Variants in MYL5 observed in about 807,000 individuals in gnomAD.
MYL5 encodes the protein myosin light chain 5, also known as myosin regulatory light chain 5.
MYL5 carries 28 observed loss-of-function variants against 20.8 expected under a neutral mutation model. The observed-to-expected ratio is 1.35, with a 90% CI of 1.00 to 1.84. The LOEUF (loss-of-function observed/expected upper bound fraction) is 1.84, where lower values mean the gene tolerates loss of function less well. Among genes scored for constraint, MYL5 ranks in the 40% most tolerant of loss-of-function variants. MYL5 has a pLI of 0.00. For synonymous variants in MYL5, 118 were observed against 87.4 expected (o/e 1.35, Z -1.95); for missense variants, 274 against 227.3 (o/e 1.21, Z -1.32).
At position 681,824 on chromosome 4, in the gene MYL5, G is replaced by A. The variant is rs965336447; in HGVS notation, c.421-69G>A. The stretch of plus-strand genomic sequence containing the variant: ...CCGCGGCGCAGAAACCACACCCGGG[G>A]CCGCTGCAGGTGCGCGCTTGTAATT... On this transcript the variant is annotated intron_variant, in intron 6 of 6. Transcript: ENST00000400159. The A allele has an allele frequency of 2.4e-6, 3 of 1,269,748 alleles. No individual in the cohort carries two copies. The African/African-American group carries it at 4.6e-5, about 20-fold the overall frequency. 78.7% of individuals were successfully genotyped at this position (1,269,748 alleles called of 1,614,324 possible).
Position 680,391 on chromosome 4 carries a change from G to A in MYL5, c.293-118G>A. ...GCCTTCAGGCAGAGGCCACCTTGTGGGCAGAGGCTTGGAGTCTCCCCCTGC... is the reference window on the plus strand; with the variant it reads ...GCCTTCAGGCAGAGGCCACCTTGTGAGCAGAGGCTTGGAGTCTCCCCCTGC... On this transcript the variant is annotated intron_variant, in intron 4 of 6. Coordinates refer to ENST00000400159, the Ensembl canonical transcript of MYL5. The A allele has an allele frequency of 1.8e-6, 2 of 1,087,374 alleles. 1 individual carries two copies. The highest frequency in any genetic ancestry group is 2.8e-6 in the Non-Finnish European group (2 of 723,978). 67.4% of individuals were successfully genotyped at this position (1,087,374 alleles called of 1,614,324 possible). A position where few individuals can be genotyped will look rare whatever the true frequency, so the allele number is the denominator to read the frequency against.
chr4:681,337 C>G (rs1413502914), intron 6 of MYL5, among the ~76,000 whole-genome samples, 197 bp downstream of exon 8: 1 of 152,106 alleles, frequency 6.6e-6, no homozygotes, highest in Non-Finnish European at 1.5e-5. Context: ...CGGTTGGAGA[C>G]CCCTCCCCTC....
intron 1 of MYL5, chr4:678,254 T>C (rs2109330759): frequency 6.8e-7 from 1 of 1,473,024 alleles, no homozygotes; most frequent in Non-Finnish European, 9.0e-7. Flanking sequence ...GTGCCTCACG[T>C]TGCTCTCCTG....
In MYL5 at chr4:679,934, G is replaced by A. The variant is rs373167881; in HGVS notation, c.208G>A (p.Asp70Asn). ...AACAGGCAAGACCAACGTCAAGGAC[G>A]ACGAGCTGGACGCCATGCTCAAAGA... Residue 70 changes from aspartate to asparagine, a missense_variant, in exon 4 of 7, where the codon GAC becomes AAC. Physicochemically the swap from Asp to Asn is conservative, Grantham distance 23 (BLOSUM62 1). Transcript: ENST00000400159. The A allele has an allele frequency of 1.7e-5, 27 of 1,613,638 alleles. No individual in the cohort carries two copies. Among genetic ancestry groups the A allele is most frequent in the African/African-American group, 6.7e-5 (5 of 74,914 alleles).
At chr4:678,741 G>A in exon 2 of MYL5, 1 of 1,611,696 alleles carries the variant, frequency 6.2e-7, no homozygotes. Flanking sequence ...ACTTTGAGCA[G>A]ACTCAGATCC....
intron 6 of MYL5, 70 bp downstream of exon 8, chr4:681,210 G>A: frequency 5.2e-6 from 8 of 1,544,514 alleles, no homozygotes; most frequent in Non-Finnish European, 7.0e-6. Context: ...CTGGGTGGAG[G>A]GGGACGCGGA....
intron 2 of MYL5, 28 bp from the exon 5 acceptor site, chr4:678,930 G>A: frequency 6.2e-7 from 1 of 1,613,070 alleles, no homozygotes; most frequent in Non-Finnish European, 8.5e-7. Flanking sequence ...CGGGTTGGCA[G>A]CACAGCAGCC....
chr4:679,978 C>A (rs768979017), exon 4 of MYL5: 2 of 1,613,602 alleles, frequency 1.2e-6, no homozygotes, highest in Non-Finnish European at 1.7e-6. Context: ...GGCCCATCAA[C>A]TTCACCATGT....
At chr4:680,061 T>G (rs759015814) in intron 4 of MYL5, 43 bp downstream of exon 6, 2 of 1,469,112 alleles carry the variant, frequency 1.4e-6, no homozygotes, top group Non-Finnish European at 1.9e-6. Flanking sequence ...AGCTAATTCC[T>G]AACAGTTAGA....
chr4:680,403 G>A, intron 4 of MYL5, 106 bp from the exon 7 acceptor site: 1 of 1,177,048 alleles, frequency 8.5e-7, no homozygotes, highest in South Asian at 1.3e-5. Flanking sequence ...CAGAGGCTTG[G>A]AGTCTCCCCC....
upstream of MYL5, among the ~76,000 whole-genome samples, chr4:676,661 G>A (rs1001844376): frequency 1.2e-4 from 19 of 152,224 alleles, no homozygotes; most frequent in African/African-American, 4.3e-4. Flanking sequence ...CGGTGGCCTC[G>A]GGGGGCCTCC....
chr4:677,167 G>C (rs1738926807), upstream of MYL5, among the ~76,000 whole-genome samples: 1 of 152,168 alleles, frequency 6.6e-6, no homozygotes, highest in African/African-American at 2.4e-5. Flanking sequence ...AGGCCTGGGG[G>C]GCTCCAAAAG....
intron 5 of MYL5, chr4:680,827 TC>T (rs1288692556): frequency 1.6e-6 from 1 of 629,296 alleles, no homozygotes; most frequent in East Asian, 2.7e-5. Context: ...CACTCCTCCA[TC>T]TTCAGCTCCT....
At chr4:680,804 C>G (rs1249404326) in intron 5 of MYL5, 1 of 640,700 alleles carries the variant, frequency 1.6e-6, no homozygotes, top group African/African-American at 1.8e-5. Flanking sequence ...GGTGGGGCGG[C>G]TTCCCCTCAG....
At chr4:680,461 C>A in intron 4 of MYL5, 48 bp from the exon 7 acceptor site, 1 of 1,592,746 alleles carries the variant, frequency 6.3e-7, no homozygotes, top group Non-Finnish European at 8.6e-7. Flanking sequence ...TTGGCAGCCA[C>A]GGGACTGCCA....
chr4:677,813 G>A, upstream of MYL5: 1 of 707,278 alleles, frequency 1.4e-6, no homozygotes, highest in Non-Finnish European at 2.5e-6. Flanking sequence ...GGGGAGGCTG[G>A]GGGCCTTGCG....
exon 2 of MYL5, chr4:678,752 A>G: frequency 6.2e-7 from 1 of 1,610,424 alleles, no homozygotes; most frequent in Non-Finnish European, 8.5e-7. Context: ...ACTCAGATCC[A>G]GGAGTTCAAG....
chr4:680,420 G>A, intron 4 of MYL5, 89 bp from the exon 7 acceptor site: 1 of 1,304,292 alleles, frequency 7.7e-7, no homozygotes, highest in Non-Finnish European at 1.1e-6. Flanking sequence ...CCCCTGCTTG[G>A]GGCAGGGGTC....
chr4:678,614 C>T (rs376493427), intron 1 of MYL5, 44 bp from the exon 4 acceptor site: 110 of 1,568,740 alleles, frequency 7.0e-5, no homozygotes, highest in Admixed American at 1.2e-4. Flanking sequence ...TGGAGGGTTT[C>T]GTCAGCCAGC....
Sources: allele counts gnomAD v4.1 joint callset (sites outside exome capture counted in the v4.1 genomes callset), GRCh38; gene constraint gnomAD v4.1.1; transcripts MANE v1.5; gene names NCBI Gene and HGNC (gene_info 2026-07-23, HGNC 2026-07-21).